Variants in CARD14 observed in about 807,000 individuals in gnomAD.
The protein encoded by CARD14 is caspase recruitment domain family member 14.
CARD14 carries 107 observed loss-of-function variants against 111.5 expected under a neutral mutation model. That is an observed-to-expected ratio of 0.96 (90% CI 0.82 to 1.13). The LOEUF is 1.13. Among genes scored for constraint, CARD14 ranks in the 50% most tolerant of loss-of-function variants. The pLI is 0.00. For missense variants in CARD14, 1,322 were observed against 1,362.3 expected (o/e 0.97, Z 0.47); for synonymous variants, 617 against 579.6 (o/e 1.06, Z -0.93).
chr17:80,183,939 G>C lies in CARD14; in HGVS notation c.376G>C (p.Glu126Gln), dbSNP rs377568726. The C allele has an allele frequency of 1.3e-6, 2 of 1,529,644 alleles. No individual in the cohort carries two copies. The highest frequency in any genetic ancestry group is 1.8e-6 in the Non-Finnish European group (2 of 1,137,180). The allele number at this position is 1,529,644 out of a possible 1,614,324, so 94.8% of individuals were successfully genotyped here. A position where few individuals can be genotyped will look rare whatever the true frequency, so the allele number is the denominator to read the frequency against. Residue 126 changes from glutamate (E) to glutamine (Q), a missense_variant, in exon 7 of 24, where the codon GAG (glutamate) becomes CAG (glutamine). Glu to Gln is a conservative substitution (Grantham distance 29). Coordinates refer to ENST00000648509, the MANE Select transcript of CARD14 (RefSeq NM_001366385.1). ...SGLMETSKLT[E>Q]CLAGAIGSLQ... ...TCTCATGGAGACATCCAAGCTGACC[G>C]AGTGCCTGGCTGGGGCCATCGGCAG...
At chr17:80,183,334 C>T (rs1255400839) in intron 6 of CARD14, among the ~76,000 whole-genome samples, 1 of 152,210 alleles carries the variant, frequency 6.6e-6, no homozygotes, top group Admixed American at 6.5e-5. Context: ...ACTCACACGA[C>T]CCAAAACAGT....
intron 11 of CARD14, 78 bp downstream of exon 11, chr17:80,191,550 T>C: frequency 6.4e-7 from 1 of 1,554,026 alleles, no homozygotes; most frequent in Non-Finnish European, 8.8e-7. Context: ...GGCTCCAGGG[T>C]GGCCCATGGA....
chr17:80,199,616 T>C (rs1051845928), intron 16 of CARD14, among the ~76,000 whole-genome samples: 26 of 143,252 alleles, frequency 1.8e-4, no homozygotes, highest in Non-Finnish European at 3.0e-4. Flanking sequence ...CGGTGGCTTA[T>C]GCCTGTAATC....
In CARD14 at chr17:80,171,043, G is replaced by A. The variant is rs138548849; in HGVS notation, c.-690+987G>A. ...TTTAGTAGAGACAGGGTTTTGTCAC[G>A]TTGGCTAGGCTGGTCTCAAACTCCT... On this transcript the variant is annotated intron_variant, in intron 1 of 23. Coordinates refer to ENST00000648509, the MANE Select transcript of CARD14 (RefSeq NM_001366385.1). 2.0e-3 allele frequency among the ~76,000 whole-genome samples: 308 copies of A among 151,250 alleles called. 1 individual carries two copies. The highest frequency in any genetic ancestry group is 3.4e-3 in the Middle Eastern group (1 of 292).
chr17:80,191,482 C>G lies in CARD14; in HGVS notation c.1239+10C>G. Reference sequence around the variant, plus strand: ...AGAGCCTCCGGGTGTGGTGAGTGTTCCCGGCTGACCCGAGCTGGAGGCCAG... The same window carrying G: ...AGAGCCTCCGGGTGTGGTGAGTGTTGCCGGCTGACCCGAGCTGGAGGCCAG... On this transcript the variant is annotated intron_variant, in intron 11 of 23. Coordinates refer to ENST00000648509, the MANE Select transcript of CARD14 (RefSeq NM_001366385.1). The G allele has an allele frequency of 6.2e-7, 1 of 1,606,198 alleles. No homozygotes were observed. Among genetic ancestry groups the G allele is most frequent in the Non-Finnish European group, 8.5e-7 (1 of 1,174,276 alleles).
chr17:80,181,081 T>A (rs1179725473), intron 4 of CARD14, among the ~76,000 whole-genome samples: 1 of 146,590 alleles, frequency 6.8e-6, no homozygotes, highest in African/African-American at 2.6e-5. Flanking sequence ...TTATTTTAGA[T>A]GAATTTCTAA....
At chr17:80,191,219 A>T (rs2040515999) in intron 10 of CARD14, 104 bp from the exon 11 acceptor site, 1 of 1,383,566 alleles carries the variant, frequency 7.2e-7, no homozygotes, top group Admixed American at 1.9e-5. Flanking sequence ...TGGGCCATTT[A>T]GTGGATGTCA....
At chr17:80,181,715 C>T in intron 5 of CARD14, 66 bp downstream of exon 5, 2 of 1,411,130 alleles carry the variant, frequency 1.4e-6, no homozygotes, top group Non-Finnish European at 1.9e-6. Flanking sequence ...CCACTGTCTG[C>T]CTCTGTCTTC....
Position 80,201,504 on chromosome 17 carries a change from C to T in CARD14, c.1852-240C>T, listed in dbSNP as rs1212852971. The T allele has an allele frequency of 9.3e-6, 5 of 538,398 alleles. No homozygotes were observed. Among genetic ancestry groups the T allele is most frequent in the East Asian group, 3.3e-5 (1 of 30,338 alleles). 33.4% of individuals were successfully genotyped at this position (538,398 alleles called of 1,614,324 possible). A position where few individuals can be genotyped will look rare whatever the true frequency, so the allele number is the denominator to read the frequency against. ...GCTTATCACAAAGAACCCCCGATCT[C>T]GACTGGGGAAGGGTTGGCAGTTGAC... On this transcript the variant is annotated intron_variant, in intron 16 of 23. Coordinates refer to ENST00000648509, the MANE Select transcript of CARD14 (RefSeq NM_001366385.1). The surrounding 1 kb of genome is among the most constrained non-coding windows in gnomAD (Gnocchi z 5.0).
At position 80,201,675 on chromosome 17, in the gene CARD14, C is replaced by A; in HGVS notation, c.1852-69C>A. On this transcript the variant is annotated intron_variant, in intron 16 of 23. Coordinates refer to ENST00000648509, the MANE Select transcript of CARD14 (RefSeq NM_001366385.1). The surrounding 1 kb of genome is among the most constrained non-coding windows in gnomAD (Gnocchi z 5.0). ...CCGCGCCTCGCCTCAGTGCCCTCAG[C>A]GCCTTCTGTCTTCTGGCTGGATTCA... The A allele has an allele frequency of 6.3e-7, 1 of 1,575,782 alleles. No homozygotes were observed. Among genetic ancestry groups the A allele is most frequent in the Non-Finnish European group, 8.7e-7 (1 of 1,147,216 alleles).
rs150855797 is a variant in CARD14, at chr17:80,207,402, C to T, written c.2807+317C>T. On this transcript the variant is annotated intron_variant, in intron 23 of 23. Coordinates refer to ENST00000648509, the MANE Select transcript of CARD14 (RefSeq NM_001366385.1). ...CCTGTCTCTATTAAAAATACAAAAA[C>T]TAGCCAGGTGTGGCGGCGGGCGCCT... Among the ~76,000 whole-genome samples, 413 of 152,194 alleles carry T rather than the reference C, an allele frequency of 2.7e-3. 2 individuals are homozygous for T. Among genetic ancestry groups the T allele is most frequent in the African/African-American group, 9.5e-3 (395 of 41,530 alleles).
At chr17:80,187,856 C>T in intron 7 of CARD14, 1 of 985,488 alleles carries the variant, frequency 1.0e-6, no homozygotes, top group Non-Finnish European at 1.2e-6. Context: ...AGGCCAGGGC[C>T]CTGCACACAG....
In CARD14 at chr17:80,183,960, G is replaced by T. The variant is rs141488664; in HGVS notation, c.397G>T (p.Gly133Cys). 6.5e-7 allele frequency: 1 copy of T among 1,549,586 alleles called. No individual in the cohort carries two copies. Among genetic ancestry groups the T allele is most frequent in the African/African-American group, 1.4e-5 (1 of 73,584 alleles). ...KLTECLAGAI[G>C]SLQEELNQEK... ...GACCGAGTGCCTGGCTGGGGCCATC[G>T]GCAGCCTGCAGGAGGAGCTGAACCA... The change falls in exon 7 of 24, where the codon GGC becomes TGC. Residue 133 changes from glycine (G) to cysteine (C), a missense_variant. Transcript: ENST00000648509.
At position 80,198,833 on chromosome 17, in the gene CARD14, T is replaced by C; in HGVS notation, c.1851+242T>C. On this transcript the variant is annotated intron_variant, in intron 16 of 23. Coordinates refer to ENST00000648509, the MANE Select transcript of CARD14 (RefSeq NM_001366385.1). This position sits in a 1 kb window ranked among gnomAD's most constrained non-coding sequence, Gnocchi z 7.5. ...ATGCGGCGCTTCTGACCAGGGGTCT[T>C]TGCATGAGGCCCCTTGACAGGGCTG... 1 of 1,462,378 alleles carries C rather than the reference T, an allele frequency of 6.8e-7. No individual in the cohort carries two copies. Among genetic ancestry groups the C allele is most frequent in the Non-Finnish European group, 9.0e-7 (1 of 1,112,116 alleles). The allele number at this position is 1,462,378 out of a possible 1,614,324, so 90.6% of individuals were successfully genotyped here. A position where few individuals can be genotyped will look rare whatever the true frequency, so the allele number is the denominator to read the frequency against.
rs1188735795 is a variant in CARD14 at position 80,191,434 on chromosome 17, A to G, written c.1201A>G (p.Thr401Ala). 2 of 1,613,496 alleles carry G rather than the reference A, an allele frequency of 1.2e-6. No homozygotes were observed. Among genetic ancestry groups the G allele is most frequent in the African/African-American group, 1.3e-5 (1 of 75,078 alleles). Residue 401 changes from threonine to alanine, a missense_variant, in exon 11 of 24, where the codon ACA becomes GCA. Coordinates refer to ENST00000648509, the MANE Select transcript of CARD14 (RefSeq NM_001366385.1). ...GACGGACCAGGTCTGCGAGCTGCGCACACAGCTTCGCCAGCTGCAGGCAGA... is the reference window on the plus strand; with the variant it reads ...GACGGACCAGGTCTGCGAGCTGCGCGCACAGCTTCGCCAGCTGCAGGCAGA... Reference protein sequence around the residue: ...ELTDQVCELRTQLRQLQAEPP... With the variant: ...ELTDQVCELRAQLRQLQAEPP...
intron 7 of CARD14, chr17:80,187,703 G>A (rs1409290827): frequency 2.6e-5 from 25 of 971,150 alleles, no homozygotes; most frequent in South Asian, 4.8e-5. Context: ...TCCCGGGCTT[G>A]CCTCACGGGG....
At chr17:80,175,185 C>T (rs2039997486) in intron 2 of CARD14, among the ~76,000 whole-genome samples, 1 of 151,614 alleles carries the variant, frequency 6.6e-6, no homozygotes, top group Non-Finnish European at 1.5e-5. Context: ...GCCATGTCAC[C>T]CAGGCTGGTC....
intron 1 of CARD14, among the ~76,000 whole-genome samples, chr17:80,170,808 C>CCA (rs1422943587): frequency 1.0e-5 from 1 of 98,800 alleles, no homozygotes; most frequent in Non-Finnish European, 2.1e-5. Flanking sequence ...CCCTCCCCTC[C>CCA]TCTCCCCTCC....
chr17:80,191,415 C>T lies in CARD14; in HGVS notation c.1182C>T (p.Asp394=), dbSNP rs761260235. Reference sequence around the variant, plus strand: ...GCAGGCAGGTGTTCGAGCTGACGGACCAGGTCTGCGAGCTGCGCACACAGC... The same window carrying T: ...GCAGGCAGGTGTTCGAGCTGACGGATCAGGTCTGCGAGCTGCGCACACAGC... ...SLRRQVFELT[D]QVCELRTQLR... is the part of the protein sequence containing the mutation. The change falls in exon 11 of 24, where the codon GAC becomes GAT. Residue 394 remains aspartate (D), a synonymous_variant. Transcript: ENST00000648509. 4.3e-6 allele frequency: 7 copies of T among 1,613,844 alleles called. No individual in the cohort carries two copies. The highest frequency in any genetic ancestry group is 5.9e-6 in the Non-Finnish European group (7 of 1,180,032).
Sources: allele counts gnomAD v4.1 joint callset (sites outside exome capture counted in the v4.1 genomes callset), GRCh38; gene constraint gnomAD v4.1.1; non-coding constraint Gnocchi (gnomAD v3.1); transcripts MANE v1.5; gene names NCBI Gene and HGNC (gene_info 2026-07-23, HGNC 2026-07-21).